Variants in NUDT1 observed in about 807,000 individuals in gnomAD.
NUDT1 encodes oxidized purine nucleoside triphosphate hydrolase.
In NUDT1, 16 loss-of-function variants were observed where a neutral mutation model predicts 11.3. That is an observed-to-expected ratio of 1.41 (90% CI 0.96 to 2.15). The LOEUF (loss-of-function observed/expected upper bound fraction) is 2.15, where lower values mean the gene tolerates loss of function less well. Among genes scored for constraint, NUDT1 ranks in the 30% most tolerant of loss-of-function variants. The pLI, the probability that NUDT1 is intolerant of heterozygous loss-of-function variation, is 0.00. For synonymous variants in NUDT1, 101 were observed against 84.4 expected (o/e 1.20, Z -1.08); for missense variants, 234 against 208.4 (o/e 1.12, Z -0.76).
Position 2,244,412 on chromosome 7 carries a change from A to C in NUDT1, c.-12-151A>C. The stretch of plus-strand genomic sequence containing the variant: ...TCAATGGCAGTTTTCCACCTGCCAC[A>C]AGGGAAGCCACACGTGGCAGGGCTG... On this transcript the variant is annotated intron_variant, in intron 1 of 3. Coordinates refer to ENST00000356714, the MANE Select transcript of NUDT1 (RefSeq NM_002452.4). 1.1e-5 allele frequency: 8 copies of C among 731,738 alleles called. No homozygotes were observed. In the South Asian group the frequency reaches 1.8e-4, roughly 16 times the overall value. 45.3% of individuals were successfully genotyped at this position (731,738 alleles called of 1,614,324 possible).
At position 2,243,846 on chromosome 7, in the gene NUDT1, G is replaced by A. The variant is rs1211819042; in HGVS notation, c.-12-717G>A. Among the ~76,000 whole-genome samples, 8 of 152,270 alleles carry A rather than the reference G, an allele frequency of 5.3e-5. 1 individual carries two copies. In the East Asian group the frequency reaches 1.3e-3, roughly 26 times the overall value. ...GTCCTTTTTTCAGCAGGGACCTGGC[G>A]GAGGCATCGCCCTCAGAGTCCTCTG... On this transcript the variant is annotated intron_variant, in intron 1 of 3. Transcript: ENST00000356714.
chr7:2,245,745 G>C (rs1459830187), intron 2 of NUDT1, among the ~76,000 whole-genome samples: 2 of 152,036 alleles, frequency 1.3e-5, no homozygotes, highest in Admixed American at 6.6e-5. Context: ...TCTTTGTAGA[G>C]ATGGTGTCTC....
rs377441902 is a variant in NUDT1 at position 2,249,891 on chromosome 7, G to T, written c.187G>T (p.Ala63Ser). The change falls in exon 3 of 4, where the codon GCC becomes TCC. Residue 63 changes from alanine to serine, a missense_variant. Coordinates refer to ENST00000356714, the MANE Select transcript of NUDT1 (RefSeq NM_002452.4). ...LQEESGLTVD[A>S]LHKVGQIVFE... ...GGAGGAGAGCGGTCTGACAGTGGAC[G>T]CCCTGCACAAGGTGGGCCAGATCGT... 12 of 1,614,050 alleles carry T rather than the reference G, an allele frequency of 7.4e-6. No homozygotes were observed. The highest frequency in any genetic ancestry group is 1.0e-5 in the Non-Finnish European group (12 of 1,180,020).
chr7:2,243,878 G>GACCTGCACCTGC (rs35429564), intron 1 of NUDT1, among the ~76,000 whole-genome samples: 2 of 152,324 alleles, frequency 1.3e-5, no homozygotes, highest in African/African-American at 4.8e-5. Flanking sequence ...TCTGGACCTG[G>GACCTGCACCTGC]ACCTGCACAC....
chr7:2,244,452 A>ACCCCCC, intron 1 of NUDT1, 111 bp from the exon 2 acceptor site: 2 of 553,136 alleles, frequency 3.6e-6, no homozygotes, highest in Non-Finnish European at 6.4e-6. Flanking sequence ...GTTACAGCAT[A>ACCCCCC]CCCCCCCGCC....
chr7:2,244,386 T>C, intron 1 of NUDT1, 177 bp from the exon 2 acceptor site: 1 of 584,262 alleles, frequency 1.7e-6, no homozygotes, highest in Admixed American at 3.3e-5. Context: ...AAATCACTGG[T>C]TCAATGGCAG....
At chr7:2,246,358 A>G (rs1794766989) in intron 2 of NUDT1, among the ~76,000 whole-genome samples, 1 of 152,204 alleles carries the variant, frequency 6.6e-6, no homozygotes, top group Non-Finnish European at 1.5e-5. Flanking sequence ...AGGGAGAATA[A>G]CTGGGCACCA....
At chr7:2,250,445 A>G (rs958418131) in intron 3 of NUDT1, among the ~76,000 whole-genome samples, 5 of 151,652 alleles carry the variant, frequency 3.3e-5, no homozygotes, top group African/African-American at 4.8e-5. Context: ...ACAAAAAAAC[A>G]TGGTTTTGTT....
intron 2 of NUDT1, among the ~76,000 whole-genome samples, chr7:2,246,427 G>C (rs1317741788): frequency 6.6e-6 from 1 of 152,236 alleles, no homozygotes; most frequent in Non-Finnish European, 1.5e-5. Context: ...GGAGGAAGGA[G>C]ACATTTGCAG....
rs943598241 is a variant in NUDT1 at position 2,242,252 on chromosome 7, T to G, written c.-17T>G. On this transcript the variant is annotated 5_prime_UTR_variant, in exon 1 of 4. Transcript: ENST00000356714. ...GAGGCCACGCCCCCGGAAGCGGCGG[T>G]GCAGGTACGAAAAGCGCGCGCGGGG... The G allele has an allele frequency of 2.1e-6, 3 of 1,404,998 alleles. No homozygotes were observed. Among genetic ancestry groups the G allele is most frequent in the Admixed American group, 5.0e-5 (2 of 40,200 alleles). 87.0% of individuals were successfully genotyped at this position (1,404,998 alleles called of 1,614,324 possible).
At chr7:2,244,451 T>TTGCCCCC in intron 1 of NUDT1, 112 bp from the exon 2 acceptor site, 1 of 981,626 alleles carries the variant, frequency 1.0e-6, no homozygotes, top group Non-Finnish European at 1.5e-6. Context: ...AGTTACAGCA[T>TTGCCCCC]ACCCCCCCGC....
chr7:2,244,486 C>T (rs1794686717), intron 1 of NUDT1, 77 bp from the exon 2 acceptor site: 5 of 1,256,006 alleles, frequency 4.0e-6, no homozygotes, highest in Non-Finnish European at 5.4e-6. Context: ...CAGAGCACGT[C>T]CCCTTCCTCC....
intron 1 of NUDT1, among the ~76,000 whole-genome samples, chr7:2,244,196 C>G (rs1205370573): frequency 6.6e-6 from 1 of 152,198 alleles, no homozygotes; most frequent in Non-Finnish European, 1.5e-5. Context: ...GACTGTTGTT[C>G]CTCACTGTGT....
rs547064767 is a variant in NUDT1, at chr7:2,249,936, C to A, written c.232C>A (p.Pro78Thr). Reference sequence around the variant, plus strand: ...GATCGTGTTTGAGTTCGTGGGCGAGCCTGAGCTCATGGACGTGCATGTCTT... The same window carrying A: ...GATCGTGTTTGAGTTCGTGGGCGAGACTGAGCTCATGGACGTGCATGTCTT... ...GQIVFEFVGE[P>T]ELMDVHVFCT... The change falls in exon 3 of 4, where the codon CCT becomes ACT. Residue 78 changes from proline to threonine, a missense_variant. Coordinates refer to ENST00000356714, the MANE Select transcript of NUDT1 (RefSeq NM_002452.4). 1.9e-5 allele frequency: 30 copies of A among 1,614,088 alleles called. No homozygotes were observed. Among genetic ancestry groups the A allele is most frequent in the South Asian group, 5.5e-5 (5 of 91,096 alleles).
At chr7:2,248,478 G>A (rs1562409150) in intron 2 of NUDT1, among the ~76,000 whole-genome samples, 1 of 151,988 alleles carries the variant, frequency 6.6e-6, no homozygotes, top group African/African-American at 2.4e-5. Flanking sequence ...GTTCCTTGAG[G>A]TGTGGAATGT....
chr7:2,250,802 G>A (rs752805756), intron 3 of NUDT1, 27 bp from the exon 4 acceptor site: 3 of 1,613,802 alleles, frequency 1.9e-6, no homozygotes, highest in African/African-American at 1.3e-5. Flanking sequence ...TTGCACCTCA[G>A]TGCCTCCTCT....
intron 1 of NUDT1, among the ~76,000 whole-genome samples, chr7:2,243,728 A>C (rs749061999): frequency 6.6e-6 from 1 of 152,188 alleles, no homozygotes; most frequent in Non-Finnish European, 1.5e-5. Flanking sequence ...AACCGCGATC[A>C]CGCCACTCTC....
intron 2 of NUDT1, among the ~76,000 whole-genome samples, chr7:2,246,396 G>T (rs1462306622): frequency 6.6e-6 from 1 of 152,232 alleles, no homozygotes; most frequent in Admixed American, 6.5e-5. Flanking sequence ...CCTGACGTTG[G>T]CTGGGAGAGT....
At chr7:2,243,556 T>G (rs1794642277) in intron 1 of NUDT1, among the ~76,000 whole-genome samples, 3 of 151,972 alleles carry the variant, frequency 2.0e-5, no homozygotes. Flanking sequence ...GTGGATCGCT[T>G]GAGCTCAGGA....
Sources: gnomAD v4.1 joint callset for allele counts (sites outside exome capture counted in the v4.1 genomes callset) on GRCh38, gnomAD v4.1.1 for gene constraint, MANE v1.5 for transcripts, NCBI Gene and HGNC (gene_info 2026-07-23, HGNC 2026-07-21) for gene names.